ZIC4: variants seen among roughly 807,000 people sequenced by gnomAD.
ZIC4 encodes Zic family zinc finger 4.
Under a neutral mutation model 28.8 loss-of-function variants are expected in ZIC4, and 15 were observed. That is an observed-to-expected ratio of 0.52 (90% confidence interval 0.35 to 0.80). The LOEUF is 0.80. ZIC4 is among the 30% of genes least tolerant of loss of function. The pLI, the probability that ZIC4 is intolerant of heterozygous loss-of-function variation, is 0.01. For synonymous variants in ZIC4, 220 were observed against 198.1 expected, an observed-to-expected ratio of 1.11 and a Z score of -0.93; for missense variants, 512 against 467.1, an observed-to-expected ratio of 1.10 and a Z score of -0.89.
At chr3:147,392,638 T>C (rs929289886) in intron 3 of ZIC4, 21 of 168,550 alleles carry the variant, frequency 1.2e-4, no homozygotes, top group African/African-American at 4.3e-4. Flanking sequence ...GTTGCCTTTG[T>C]AGTTGCTTCT....
intron 4 of ZIC4, among the ~76,000 whole-genome samples, chr3:147,390,728 C>T (rs906980413): frequency 3.3e-5 from 5 of 152,224 alleles, no homozygotes; most frequent in African/African-American, 1.2e-4. Context: ...AGGTGGCCGG[C>T]CGGCCTTCCT....
chr3:147,390,945 G>T lies in ZIC4; in HGVS notation c.990C>A (p.Ala330=), dbSNP rs774346537. Residue 330 remains alanine (A), a synonymous_variant, in exon 4 of 5, where the codon GCC becomes GCA. Coordinates refer to ENST00000383075, the MANE Select transcript of ZIC4 (RefSeq NM_032153.6). Reference sequence around the variant, plus strand: ...GACACACGTACCATTCGCTCAAGTCGGCGGTACGCGCCGCCACCGCCGCCG... The same window carrying T: ...GACACACGTACCATTCGCTCAAGTCTGCGGTACGCGCCGCCACCGCCGCCG... ...ASSAAVAART[A]DLSE 7 of 1,610,254 alleles carry T rather than the reference G, an allele frequency of 4.3e-6. No homozygotes were observed. The South Asian group carries it at 7.7e-5, about 18-fold the overall frequency.
chr3:147,400,284 C>T (rs2087138283), intron 2 of ZIC4, among the ~76,000 whole-genome samples: 2 of 152,202 alleles, frequency 1.3e-5, no homozygotes, highest in African/African-American at 4.8e-5. Context: ...ACATAGTCTG[C>T]TAGCATACTA....
At position 147,387,817 on chromosome 3, in the gene ZIC4, A is replaced by G. The variant is rs1238942366; in HGVS notation, c.*1042T>C. On this transcript the variant is annotated 3_prime_UTR_variant, in exon 5 of 5. Transcript: ENST00000383075. ...CCAGAGTGGAAATTCCCAAGGGCAC[A>G]GTCTGAACTCCTCAGACTCCCCCAG... 2 of 152,482 alleles carry G rather than the reference A, an allele frequency of 1.3e-5. No homozygotes were observed. Among genetic ancestry groups the G allele is most frequent in the Non-Finnish European group, 2.9e-5 (2 of 68,044 alleles). The allele number at this position is 152,482 out of a possible 1,614,324, so 9.4% of individuals were successfully genotyped here.
At chr3:147,402,703 T>C (rs372935754) in intron 2 of ZIC4, 25 bp downstream of exon 2, 31 of 1,560,286 alleles carry the variant, frequency 2.0e-5, no homozygotes, top group Non-Finnish European at 2.7e-5. Flanking sequence ...AGCAAACCAA[T>C]ATTCAAAGGA....
chr3:147,397,698 AG>A (rs1328388698), intron 2 of ZIC4, among the ~76,000 whole-genome samples: 1 of 152,032 alleles, frequency 6.6e-6, no homozygotes, highest in Non-Finnish European at 1.5e-5. Context: ...CTGCAAGAGG[AG>A]GGGGTCGGGA....
chr3:147,393,764 C>T, intron 3 of ZIC4: 1 of 398,732 alleles, frequency 2.5e-6, no homozygotes, highest in Non-Finnish European at 5.0e-6. Context: ...GTGTGGTGAG[C>T]TCCCGGCCCC....
chr3:147,396,354 G>A lies in ZIC4; in HGVS notation c.186C>T (p.Leu62=), dbSNP rs751623446. The change falls in exon 3 of 5, where the codon CTC becomes CTT. Residue 62 remains leucine, a synonymous_variant. Coordinates refer to ENST00000383075, the MANE Select transcript of ZIC4 (RefSeq NM_032153.6). The surrounding 1 kb of genome is among the most constrained non-coding windows in gnomAD (Gnocchi z 4.2). ...TGTCTCCAGGGAGCCCCAGACGCAGGAGTCCATTCAAAGGACGGCTGGGGG... is the reference window on the plus strand; with the variant it reads ...TGTCTCCAGGGAGCCCCAGACGCAGAAGTCCATTCAAAGGACGGCTGGGGG... The part of the protein sequence containing the change: ...QASPSRPLNG[L]LRLGLPGDMY... 7 of 1,559,792 alleles carry A rather than the reference G, an allele frequency of 4.5e-6. No individual in the cohort carries two copies. In the South Asian group the frequency reaches 6.1e-5, roughly 14 times the overall value.
At chr3:147,394,688 C>G (rs945875127) in intron 3 of ZIC4, among the ~76,000 whole-genome samples, 1 of 152,112 alleles carries the variant, frequency 6.6e-6, no homozygotes, top group South Asian at 2.1e-4. Context: ...CTCAGGGAAA[C>G]CGTACACTTC....
intron 1 of ZIC4, among the ~76,000 whole-genome samples, 178 bp from the exon 2 acceptor site, chr3:147,402,990 C>T (rs1001325034): frequency 1.4e-4 from 22 of 152,060 alleles, no homozygotes; most frequent in Non-Finnish European, 2.1e-4. Context: ...GGGAACAGCC[C>T]ATATTGCAAA....
At chr3:147,389,004 G>A (rs1017230539) in intron 4 of ZIC4, 145 bp from the exon 5 acceptor site, 2 of 643,108 alleles carry the variant, frequency 3.1e-6, no homozygotes. Flanking sequence ...CAGGAAGGGG[G>A]ACTTTTTAAA....
rs746364914 is a variant in ZIC4, at chr3:147,396,084, G to C, written c.456C>G (p.His152Gln). 2.5e-6 allele frequency: 4 copies of C among 1,614,120 alleles called. No homozygotes were observed. In the African/African-American group the frequency reaches 4.0e-5, roughly 16 times the overall value. The change falls in exon 3 of 5, where the codon CAC (histidine) becomes CAG (glutamine). Residue 152 changes from histidine to glutamine, a missense_variant. His to Gln is a conservative substitution (Grantham distance 24). Coordinates refer to ENST00000383075, the MANE Select transcript of ZIC4 (RefSeq NM_032153.6). This position sits in a 1 kb window ranked among gnomAD's most constrained non-coding sequence, Gnocchi z 4.2. The stretch of plus-strand genomic sequence containing the variant: ...CCACGGTGACGTGCGTGACCAGCTC[G>C]TGCATGGTGCTGAAAGTTTTGGAGC... ...SLCSKTFSTM[H>Q]ELVTHVTVEH...
chr3:147,398,919 G>A (rs772646384), intron 2 of ZIC4, among the ~76,000 whole-genome samples: 11 of 151,944 alleles, frequency 7.2e-5, no homozygotes, highest in Non-Finnish European at 1.6e-4. Context: ...ATGTATAACA[G>A]TTGGCAGATT....
rs143817523 is a variant in ZIC4 at position 147,400,260 on chromosome 3, CAG to C, written c.70+2466_70+2467del. Among the ~76,000 whole-genome samples the C allele has an allele frequency of 7.3e-3, 1,113 of 152,280 alleles. 13 individuals are homozygous for C. Among genetic ancestry groups the C allele is most frequent in the African/African-American group, 0.024 (1,016 of 41,560 alleles). On this transcript the variant is annotated intron_variant, in intron 2 of 4. Coordinates refer to ENST00000383075, the MANE Select transcript of ZIC4 (RefSeq NM_032153.6). ...CTCTCTGGACTCCAGGGTTAAGAAA[CAG>C]AGGTTTTATACACATAGTCTGCTAG...
intron 2 of ZIC4, among the ~76,000 whole-genome samples, chr3:147,397,742 G>T (rs571727477): frequency 2.0e-5 from 3 of 152,302 alleles, no homozygotes; most frequent in African/African-American, 7.2e-5. Flanking sequence ...TGACTCAGGA[G>T]CCAGGAGCTG....
chr3:147,393,804 TGGCGGTGGCCA>T, intron 3 of ZIC4: 2 of 447,704 alleles, frequency 4.5e-6, no homozygotes, highest in South Asian at 3.2e-5. Context: ...AGGAGCTGGG[TGGCGGTGGCCA>T]GGCCGAGCGC....
At chr3:147,403,276 G>C (rs2087206551) in intron 1 of ZIC4, among the ~76,000 whole-genome samples, 1 of 152,190 alleles carries the variant, frequency 6.6e-6, no homozygotes, top group African/African-American at 2.4e-5. Flanking sequence ...TTGGAACCAA[G>C]AGGAGAGGAA....
At chr3:147,389,194 C>G in intron 4 of ZIC4, 1 of 386,094 alleles carries the variant, frequency 2.6e-6, no homozygotes, top group South Asian at 5.4e-5. Context: ...GACGGATTCA[C>G]TAAAGGTGTA....
At chr3:147,395,174 A>G (rs1192212822) in intron 3 of ZIC4, among the ~76,000 whole-genome samples, 1 of 152,206 alleles carries the variant, frequency 6.6e-6, no homozygotes, top group Non-Finnish European at 1.5e-5. Context: ...AGAGGAGTTC[A>G]ATTTTGCAGG....
Sources: allele counts gnomAD v4.1 joint callset (sites outside exome capture counted in the v4.1 genomes callset), GRCh38; gene constraint gnomAD v4.1.1; non-coding constraint Gnocchi (gnomAD v3.1); transcripts MANE v1.5; gene names NCBI Gene and HGNC (gene_info 2026-07-23, HGNC 2026-07-21).